Variants in COQ10A observed in about 807,000 individuals in gnomAD.
COQ10A encodes the protein coenzyme Q10A, also known as coenzyme Q-binding protein COQ10 homolog A, mitochondrial.
A neutral mutation model predicts 26.1 loss-of-function variants in COQ10A; 25 were observed. The ratio of observed to expected loss-of-function variants is 0.96; its 90% CI spans 0.70 to 1.34. The LOEUF is 1.34. COQ10A is among the 40% of genes most tolerant of loss of function. The probability of loss-of-function intolerance (pLI) is 0.00; values close to 1 mark genes in which losing one functional copy is unlikely to be tolerated. For missense variants in COQ10A, 312 were observed against 335.4 expected (o/e 0.93, Z 0.54); for synonymous variants, 132 against 124.0 (o/e 1.06, Z -0.43).
At position 56,269,463 on chromosome 12, in the gene COQ10A, G is replaced by A; in HGVS notation, c.478G>A (p.Val160Ile). ...CTACCTGATTACCCTATTCTAGGCT[G>A]TTTGTACTGATGGCAAGCTCTTCAA... is the stretch of plus-strand genomic sequence containing the variant. ...SMVKPHMVKA[V>I]CTDGKLFNHL... Residue 160 changes from valine to isoleucine, a missense_variant, in exon 4 of 5, where the codon GTT (valine) becomes ATT (isoleucine). Physicochemically the swap from Val to Ile is conservative, Grantham distance 29. Coordinates refer to ENST00000308197, the MANE Select transcript of COQ10A (RefSeq NM_144576.4). The A allele has an allele frequency of 6.2e-7, 1 of 1,613,206 alleles. No homozygotes were observed. Among genetic ancestry groups the A allele is most frequent in the Non-Finnish European group, 8.5e-7 (1 of 1,179,174 alleles).
In COQ10A at chr12:56,267,056, G is replaced by C; in HGVS notation, c.-63G>C. ...CCCAGCCGCTGCCTCTTGCCGCTCC[G>C]CCTTTGGAGTGAGGAGGGCGCAGCC... On this transcript the variant is annotated 5_prime_UTR_variant, in exon 1 of 5. Transcript: ENST00000308197. The C allele has an allele frequency of 2.0e-5, 25 of 1,234,712 alleles. No individual in the cohort carries two copies. The highest frequency in any genetic ancestry group is 2.5e-5 in the Non-Finnish European group (25 of 987,890). The allele number at this position is 1,234,712 out of a possible 1,614,324, so 76.5% of individuals were successfully genotyped here.
chr12:56,269,518 C>A lies in COQ10A; in HGVS notation c.533C>A (p.Pro178His), dbSNP rs1415741639. The A allele has an allele frequency of 6.2e-7, 1 of 1,614,168 alleles. No individual in the cohort carries two copies. Among genetic ancestry groups the A allele is most frequent in the Admixed American group, 1.7e-5 (1 of 60,024 alleles). The change falls in exon 4 of 5, where the codon CCT (proline) becomes CAT (histidine). Residue 178 changes from proline (P) to histidine (H), a missense_variant. Transcript: ENST00000308197. ...TTAGAGACTATTTGGCGATTCAGCC[C>A]TGGTATTCCTGCCTATCCTCGAACC... Reference protein sequence around the residue: ...NHLETIWRFSPGIPAYPRTCT... With the variant: ...NHLETIWRFSHGIPAYPRTCT...
At position 56,269,134 on chromosome 12, in the gene COQ10A, G is replaced by A. The variant is rs778895821; in HGVS notation, c.357G>A (p.Lys119=). Residue 119 remains lysine, a synonymous_variant, in exon 3 of 5, where the codon AAG becomes AAA. Coordinates refer to ENST00000308197, the MANE Select transcript of COQ10A (RefSeq NM_144576.4). ...EYREFVPWCK[K]SLVVSSRKGH... ...GTGAGTTTGTGCCCTGGTGTAAGAA[G>A]TCTCTGGTGGTATCCAGCCGTAAGG... is the stretch of plus-strand genomic sequence containing the variant. 1 of 1,614,130 alleles carries A rather than the reference G, an allele frequency of 6.2e-7. No individual in the cohort carries two copies. The highest frequency in any genetic ancestry group is 8.5e-7 in the Non-Finnish European group (1 of 1,180,016).
In COQ10A at chr12:56,269,241, A is replaced by G. The variant is rs751504887; in HGVS notation, c.464A>G (p.His155Arg). The change falls in exon 3 of 5, where the codon CAC (histidine) becomes CGC (arginine). Residue 155 changes from histidine to arginine, a missense_variant. His to Arg is a conservative substitution (Grantham distance 29, BLOSUM62 0). Transcript: ENST00000308197. ...TCTGCAGTTTCCATGGTCAAACCTC[A>G]CATGGTCAAGGTGAGGCCTGTATGG... ...YTSAVSMVKP[H>R]MVKAVCTDGK... 1 of 1,612,956 alleles carries G rather than the reference A, an allele frequency of 6.2e-7. No homozygotes were observed. Among genetic ancestry groups the G allele is most frequent in the Non-Finnish European group, 8.5e-7 (1 of 1,178,938 alleles).
chr12:56,270,098 G>A, intron 4 of COQ10A, 52 bp from the exon 5 acceptor site: 1 of 1,563,768 alleles, frequency 6.4e-7, no homozygotes. Flanking sequence ...ATTTGGCCAG[G>A]GACTATCCAA....
intron 2 of COQ10A, chr12:56,268,773 T>C (rs903379174): frequency 6.5e-5 from 22 of 339,304 alleles, no homozygotes; most frequent in Non-Finnish European, 1.0e-4. Context: ...CTGATCCTTG[T>C]GTGATCACCA....
Position 56,269,349 on chromosome 12 carries a change from T to C in COQ10A, c.474+98T>C, listed in dbSNP as rs1165404609. On this transcript the variant is annotated intron_variant, in intron 3 of 4. Coordinates refer to ENST00000308197, the MANE Select transcript of COQ10A (RefSeq NM_144576.4). ...CTTCCTTGTAAGTACTTTATGTCCA[T>C]GTGTCAAGTATTTCCCTCATATCAG... The C allele has an allele frequency of 6.2e-6, 9 of 1,459,014 alleles. No homozygotes were observed. In the Admixed American group the frequency reaches 8.6e-5, roughly 14 times the overall value. 90.4% of individuals were successfully genotyped at this position (1,459,014 alleles called of 1,614,324 possible).
At position 56,266,997 on chromosome 12, in the gene COQ10A, C is replaced by T. The variant is rs1032099144; in HGVS notation, c.-122C>T. On this transcript the variant is annotated 5_prime_UTR_variant, in exon 1 of 5. Coordinates refer to ENST00000308197, the MANE Select transcript of COQ10A (RefSeq NM_144576.4). ...AGCAAGGCGAGAGGTGCTGCCGCCT[C>T]CCGTCGCCCCTGCGCTCAGAGGTCC... 9.2e-5 allele frequency: 96 copies of T among 1,044,114 alleles called. No homozygotes were observed. The highest frequency in any genetic ancestry group is 1.4e-4 in the Admixed American group (3 of 21,916). 64.7% of individuals were successfully genotyped at this position (1,044,114 alleles called of 1,614,324 possible). A position where few individuals can be genotyped will look rare whatever the true frequency, so the allele number is the denominator to read the frequency against.
rs766654382 is a variant in COQ10A, at chr12:56,269,100, A to T, written c.323A>T (p.Gln108Leu). The part of the protein sequence containing the change: ...QEMYEVVSNV[Q>L]EYREFVPWCK... ...ATGTATGAGGTGGTGTCCAACGTCC[A>T]GGAGTATCGTGAGTTTGTGCCCTGG... Residue 108 changes from glutamine to leucine, a missense_variant, in exon 3 of 5, where the codon CAG becomes CTG. Coordinates refer to ENST00000308197, the MANE Select transcript of COQ10A (RefSeq NM_144576.4). The T allele has an allele frequency of 1.2e-6, 2 of 1,614,098 alleles. No individual in the cohort carries two copies. Among genetic ancestry groups the T allele is most frequent in the South Asian group, 2.2e-5 (2 of 91,066 alleles).
intron 2 of COQ10A, 25 bp downstream of exon 2, chr12:56,267,965 T>G (rs1312580318): frequency 6.2e-7 from 1 of 1,612,504 alleles, no homozygotes; most frequent in South Asian, 1.1e-5. Flanking sequence ...CCTTGCATCC[T>G]TGCACCTCCC....
intron 4 of COQ10A, 44 bp from the exon 5 acceptor site, chr12:56,270,106 C>T (rs372199561): frequency 1.0e-5 from 16 of 1,587,792 alleles, no homozygotes; most frequent in African/African-American, 1.3e-5. Flanking sequence ...AGGGACTATC[C>T]AACATGGTCT....
Position 56,267,261 on chromosome 12 carries a change from GA to G in COQ10A, c.134+10del. ...CCGCCGCGACCAATGAGGTGAGAGGGAGGTGACCGCGGCTGAGGGCAGGGGG... is the reference window on the plus strand; with the variant it reads ...CCGCCGCGACCAATGAGGTGAGAGGGGGTGACCGCGGCTGAGGGCAGGGGG... On this transcript the variant is annotated intron_variant, in intron 1 of 4. Coordinates refer to ENST00000308197, the MANE Select transcript of COQ10A (RefSeq NM_144576.4). 1 of 1,562,124 alleles carries G rather than the reference GA, an allele frequency of 6.4e-7. No individual in the cohort carries two copies. Among genetic ancestry groups the G allele is most frequent in the Non-Finnish European group, 8.7e-7 (1 of 1,152,254 alleles).
intron 2 of COQ10A, chr12:56,268,308 T>TAAA: frequency 5.1e-6 from 1 of 197,260 alleles, no homozygotes; most frequent in Non-Finnish European, 1.0e-5. Flanking sequence ...CTGTCTCCAC[T>TAAA]AAAAAAAAAC....
rs760288401 is a variant in COQ10A at position 56,267,812 on chromosome 12, C to T, written c.153C>T (p.Ser51=). The T allele has an allele frequency of 6.2e-6, 10 of 1,614,188 alleles. No individual in the cohort carries two copies. In the South Asian group the frequency reaches 1.1e-4, roughly 18 times the overall value. The part of the protein sequence containing the change: ...PRPMRFLTSC[S]LLLPRAAQIL... ...GCCTTAGGTTTCTGACCTCCTGCAG[C>T]CTCCTCTTGCCTCGGGCTGCCCAGA... Residue 51 remains serine, a synonymous_variant, in exon 2 of 5, where the codon AGC becomes AGT. Coordinates refer to ENST00000308197, the MANE Select transcript of COQ10A (RefSeq NM_144576.4).
chr12:56,267,176 T>G lies in COQ10A; in HGVS notation c.58T>G (p.Cys20Gly). 3 of 1,365,286 alleles carry G rather than the reference T, an allele frequency of 2.2e-6. No individual in the cohort carries two copies. Among genetic ancestry groups the G allele is most frequent in the Non-Finnish European group, 2.8e-6 (3 of 1,064,990 alleles). 84.6% of individuals were successfully genotyped at this position (1,365,286 alleles called of 1,614,324 possible). A position where few individuals can be genotyped will look rare whatever the true frequency, so the allele number is the denominator to read the frequency against. ...PAGTRAAAER[C>G]CRLSLSPGAQ... ...TGGGACGCGCGCGGCAGCCGAGCGC[T>G]GCTGCCGGCTCTCGCTCAGCCCGGG... The change falls in exon 1 of 5, where the codon TGC becomes GGC. Residue 20 changes from cysteine to glycine, a missense_variant. Physicochemically the swap from Cys to Gly is radical, Grantham distance 159 (BLOSUM62 -3). Transcript: ENST00000308197.
At chr12:56,269,891 T>C (rs1872460443) in intron 4 of COQ10A, 1 of 537,700 alleles carries the variant, frequency 1.9e-6, no homozygotes, top group Non-Finnish European at 3.3e-6. Flanking sequence ...CCTCCCAAAG[T>C]GCTGGGATTA....
intron 4 of COQ10A, 30 bp downstream of exon 4, chr12:56,269,591 G>T: frequency 6.9e-7 from 1 of 1,447,780 alleles, no homozygotes; most frequent in South Asian, 1.1e-5. Flanking sequence ...AGCAGAGGAC[G>T]AGGACTGGGT....
Position 56,270,397 on chromosome 12 carries a change from C to A in COQ10A, c.*80C>A. ...TTATTTATTTGGTTTGGCTCCTGTT[C>A]CAATTTGAAAGGAGTCTGTGTTCAT... On this transcript the variant is annotated 3_prime_UTR_variant, in exon 5 of 5. Transcript: ENST00000308197. The A allele has an allele frequency of 1.4e-6, 2 of 1,443,626 alleles. No homozygotes were observed. Among genetic ancestry groups the A allele is most frequent in the Non-Finnish European group, 1.9e-6 (2 of 1,054,128 alleles). 89.4% of individuals were successfully genotyped at this position (1,443,626 alleles called of 1,614,324 possible).
At chr12:56,267,579 CCCTCACCCCG>C in intron 1 of COQ10A, 1 of 1,118,316 alleles carries the variant, frequency 8.9e-7, no homozygotes, top group South Asian at 1.3e-5. Context: ...TTTCTCATCC[CCCTCACCCCG>C]CCCCCAGCCC....
Sources: gnomAD v4.1 joint callset for allele counts on GRCh38, gnomAD v4.1.1 for gene constraint, MANE v1.5 for transcripts, NCBI Gene and HGNC (gene_info 2026-07-23, HGNC 2026-07-21) for gene names.